Variants in DLGAP1 observed in about 807,000 individuals in gnomAD.
DLGAP1 encodes disks large-associated protein 1.
DLGAP1 carries 11 observed loss-of-function variants against 90.8 expected under a neutral mutation model. The observed-to-expected ratio is 0.12, with a 90% confidence interval of 0.08 to 0.20. The LOEUF (loss-of-function observed/expected upper bound fraction) is 0.20. Among genes scored for constraint, DLGAP1 ranks in the 10% least tolerant of loss-of-function variants. DLGAP1 has a pLI of 1.00. For missense variants in DLGAP1, 1,050 were observed against 1,333.8 expected (o/e 0.79, Z 3.31); for synonymous variants, 558 against 540.7 (o/e 1.03, Z -0.44).
chr18:4,211,018 A>C (rs1282162292), intron 1 of DLGAP1, among the ~76,000 whole-genome samples: 1 of 152,224 alleles, frequency 6.6e-6, no homozygotes. Flanking sequence ...GAAGAATAAA[A>C]TTCAAAGAGA....
intron 1 of DLGAP1, among the ~76,000 whole-genome samples, chr18:4,178,144 A>G (rs8092746): frequency 0.43 from 64,405 of 149,920 alleles, 14,670 homozygotes; most frequent in East Asian, 0.69. Context: ...ATCCCACTAT[A>G]GGGTCTTACT....
intron 5 of DLGAP1, among the ~76,000 whole-genome samples, chr18:3,743,127 T>C (rs1484934489): frequency 6.6e-6 from 1 of 152,142 alleles, no homozygotes; most frequent in Non-Finnish European, 1.5e-5. Flanking sequence ...TTTGGATTTA[T>C]TCTAGGATGC....
intron 1 of DLGAP1, among the ~76,000 whole-genome samples, chr18:4,245,583 T>C (rs1332783520): frequency 1.3e-5 from 2 of 152,192 alleles, no homozygotes; most frequent in African/African-American, 4.8e-5. Context: ...GACTTTCAAA[T>C]GAGCAGCAAG....
intron 7 of DLGAP1, among the ~76,000 whole-genome samples, chr18:3,688,661 ACACAC>A (rs1567965766): frequency 0.15 from 11,469 of 75,250 alleles, 673 homozygotes; most frequent in Non-Finnish European, 0.17. Flanking sequence ...ACACACACAC[ACACAC>A]ACCCTACCAA....
At chr18:3,830,099 A>G (rs1341286438) in intron 4 of DLGAP1, among the ~76,000 whole-genome samples, 1 of 152,258 alleles carries the variant, frequency 6.6e-6, no homozygotes, top group Non-Finnish European at 1.5e-5. Context: ...AGGCCATGTA[A>G]GCAAAGTGAG....
intron 1 of DLGAP1, among the ~76,000 whole-genome samples, chr18:4,377,129 T>TTC (rs1302298736): frequency 1.3e-5 from 2 of 152,034 alleles, no homozygotes; most frequent in African/African-American, 4.8e-5. Flanking sequence ...GCATTTCCCA[T>TTC]TCTCACACAC....
chr18:4,256,384 A>T (rs61637132), intron 1 of DLGAP1, among the ~76,000 whole-genome samples: 2,254 of 152,328 alleles, frequency 0.015, 51 homozygotes, highest in African/African-American at 0.05. Context: ...TGGGTGACAC[A>T]GTGAGATCCC....
chr18:3,598,086 C>T (rs1016286170), intron 7 of DLGAP1: 9 of 152,262 alleles, frequency 5.9e-5, no homozygotes, highest in African/African-American at 2.2e-4. Flanking sequence ...TGCGGTGGCT[C>T]ACGCCTATAA....
At chr18:4,322,954 A>C (rs1166358673) in intron 1 of DLGAP1, among the ~76,000 whole-genome samples, 11 of 150,480 alleles carry the variant, frequency 7.3e-5, no homozygotes, top group African/African-American at 2.7e-4. Flanking sequence ...AAAAAAAAAA[A>C]AAAAAAAAAA....
chr18:4,124,940 C>T (rs2076209541), intron 2 of DLGAP1, among the ~76,000 whole-genome samples: 1 of 152,152 alleles, frequency 6.6e-6, no homozygotes, highest in Non-Finnish European at 1.5e-5. Context: ...ATGGGCAAGA[C>T]TAGGTACCCC....
chr18:4,054,811 G>A (rs1377952968), intron 2 of DLGAP1, among the ~76,000 whole-genome samples: 2 of 152,054 alleles, frequency 1.3e-5, no homozygotes, highest in Admixed American at 6.5e-5. Context: ...ATTACTCACT[G>A]AAAATAACAT....
chr18:3,862,770 C>T (rs868748578), intron 4 of DLGAP1, among the ~76,000 whole-genome samples: 3 of 152,184 alleles, frequency 2.0e-5, no homozygotes, highest in Non-Finnish European at 2.9e-5. Flanking sequence ...AACAACTCTA[C>T]GAGGTAAGTA....
At chr18:3,502,669 T>C (rs747163460) in intron 11 of DLGAP1, 24 bp from the exon 12 acceptor site, 1 of 1,594,344 alleles carries the variant, frequency 6.3e-7, no homozygotes, top group Admixed American at 1.8e-5. Context: ...AGAAAAACAT[T>C]CATGCTTTAG....
chr18:3,576,566 C>CTT (rs558651034), intron 8 of DLGAP1, among the ~76,000 whole-genome samples: 97 of 135,932 alleles, frequency 7.1e-4, no homozygotes, highest in African/African-American at 2.1e-3. Context: ...GCTCCAGCTC[C>CTT]TTTTTTTTTT....
chr18:3,575,248 T>C (rs1338086977), intron 8 of DLGAP1, among the ~76,000 whole-genome samples: 4 of 152,214 alleles, frequency 2.6e-5, no homozygotes, highest in Non-Finnish European at 4.4e-5. Context: ...TATATATCTG[T>C]ACACTTGGAC....
chr18:4,231,987 C>T (rs1466049068), intron 1 of DLGAP1, among the ~76,000 whole-genome samples: 11 of 152,084 alleles, frequency 7.2e-5, no homozygotes, highest in African/African-American at 2.4e-5. Context: ...CATAGTTGTT[C>T]AGTTCATGTA....
rs35715722 is a variant in DLGAP1, at chr18:3,534,324, G to A, written c.2349C>T (p.Ala783=). 29,533 of 1,614,126 alleles carry A rather than the reference G, an allele frequency of 0.018. 346 individuals carry two copies. Among genetic ancestry groups the A allele is most frequent in the African/African-American group, 0.038 (2,841 of 75,016 alleles). Residue 783 remains alanine (A), a synonymous_variant, in exon 10 of 13, where the codon GCC becomes GCT. Transcript: ENST00000315677. ...CCCGGTGGCACACTGACCTTTGCAC[G>A]GCCTCCAGAGGGTCTTCAGTGATAG... ...IDSITEDPLE[A]VQRSVCHRDG...
chr18:4,082,525 A>AAAAAAAAAAAAAAAAAAAAAAAC, intron 2 of DLGAP1, among the ~76,000 whole-genome samples: 1 of 148,876 alleles, frequency 6.7e-6, no homozygotes, highest in Admixed American at 6.7e-5. Context: ...AAAAAAAAAA[A>AAAAAAAAAAAAAAAAAAAAAAAC]AAAAAAAAAG....
chr18:4,003,795 C>A (rs1308089804), intron 3 of DLGAP1, among the ~76,000 whole-genome samples: 2 of 152,144 alleles, frequency 1.3e-5, no homozygotes, highest in Non-Finnish European at 2.9e-5. Flanking sequence ...TTCACTTGTG[C>A]ACAGAAAAAT....
Sources: gnomAD v4.1 joint callset for allele counts (sites outside exome capture counted in the v4.1 genomes callset) on GRCh38, gnomAD v4.1.1 for gene constraint, MANE v1.5 for transcripts, NCBI Gene and HGNC (gene_info 2026-07-23, HGNC 2026-07-21) for gene names.